The following MBNL2 variants were observed in gnomAD, a reference collection of about 807,000 sequenced individuals.
MBNL2 encodes muscleblind like splicing regulator 2.
Under a neutral mutation model 41.9 loss-of-function variants are expected in MBNL2, and 17 were observed. The observed-to-expected ratio is 0.41, with a 90% CI of 0.28 to 0.61. The LOEUF is 0.61. MBNL2 is among the 20% of genes least tolerant of loss of function. MBNL2 has a pLI of 0.35. For missense variants in MBNL2, 336 were observed against 505.6 expected (o/e 0.66, Z 3.22); for synonymous variants, 195 against 182.9 (o/e 1.07, Z -0.53).
At chr13:97,356,001 G>A (rs2062948394) in intron 5 of MBNL2, among the ~76,000 whole-genome samples, 3 of 152,180 alleles carry the variant, frequency 2.0e-5, no homozygotes, top group Non-Finnish European at 2.9e-5. Flanking sequence ...TTCAAATGTA[G>A]TAGAAAACAG....
intron 2 of MBNL2, among the ~76,000 whole-genome samples, chr13:97,303,980 G>A (rs1160035999): frequency 2.6e-5 from 4 of 152,102 alleles, no homozygotes; most frequent in African/African-American, 9.7e-5. Flanking sequence ...ATAATTTAAG[G>A]CTATAACTGA....
At chr13:97,304,684 T>C (rs1017905688) in intron 2 of MBNL2, among the ~76,000 whole-genome samples, 1 of 152,164 alleles carries the variant, frequency 6.6e-6, no homozygotes, top group African/African-American at 2.4e-5. Flanking sequence ...GCTTAGCTCA[T>C]AGAATTGTTA....
At chr13:97,253,867 ATT>A (rs987630158) in intron 1 of MBNL2, among the ~76,000 whole-genome samples, 1 of 146,916 alleles carries the variant, frequency 6.8e-6, no homozygotes, top group African/African-American at 2.5e-5. Context: ...AATGTGCTGA[ATT>A]TTTTTTTTTA....
At chr13:97,263,247 T>G (rs1594113473) in intron 1 of MBNL2, among the ~76,000 whole-genome samples, 1 of 152,190 alleles carries the variant, frequency 6.6e-6, no homozygotes, top group Non-Finnish European at 1.5e-5. Context: ...GCTGTAACCT[T>G]TAACCAATTT....
chr13:97,248,365 G>A (rs879402738), intron 1 of MBNL2, among the ~76,000 whole-genome samples: 1 of 152,186 alleles, frequency 6.6e-6, no homozygotes, highest in Non-Finnish European at 1.5e-5. Context: ...TTGAACTCTC[G>A]ACCTCAGGTA....
Position 97,268,330 on chromosome 13 carries a change from G to A in MBNL2, c.-604-7302G>A, listed in dbSNP as rs2050251005. On this transcript the variant is annotated intron_variant, in intron 1 of 8. Transcript: ENST00000679496. This position sits in a 1 kb window ranked among gnomAD's most constrained non-coding sequence, Gnocchi z 4.6. ...CTTTCCAGGCTGGTCTGGAACTCCT[G>A]ACTTCAAATGATCCATCTGCCTCGG... is the stretch of plus-strand genomic sequence containing the variant. Among the ~76,000 whole-genome samples, 2 of 152,172 alleles carry A rather than the reference G, an allele frequency of 1.3e-5. No individual in the cohort carries two copies. The highest frequency in any genetic ancestry group is 4.8e-5 in the African/African-American group (2 of 41,432).
chr13:97,156,552 C>T, the MBNL2 span, among the ~76,000 whole-genome samples: 3 of 136,986 alleles, frequency 2.2e-5, no homozygotes, highest in Non-Finnish European at 4.7e-5. Context: ...GTCTTTAATC[C>T]ATCTTGAATT....
At position 97,321,636 on chromosome 13, in the gene MBNL2, A is replaced by G. The variant is rs183911367; in HGVS notation, c.175-12640A>G. On this transcript the variant is annotated intron_variant, in intron 2 of 8. Coordinates refer to ENST00000679496, the MANE Select transcript of MBNL2 (RefSeq NM_001382683.1). ...ACAACATGACCTGGAAATTACCTTA[A>G]ATCTCTCTGAGCCTCATTTCCTTAC... is the stretch of plus-strand genomic sequence containing the variant. Among the ~76,000 whole-genome samples the G allele has an allele frequency of 2.6e-5, 4 of 152,284 alleles. No individual in the cohort carries two copies. In the East Asian group the frequency reaches 5.8e-4, roughly 22 times the overall value.
rs369881506 is a variant in MBNL2, at chr13:97,297,252, G to T, written c.174+20843G>T. Among the ~76,000 whole-genome samples the T allele has an allele frequency of 1.5e-4, 23 of 152,248 alleles. No homozygotes were observed. In the East Asian group the frequency reaches 3.9e-3, roughly 26 times the overall value. ...TGAGGTTCTGTCTTTGACATAGAGG[G>T]TTCAGCAGTGAAGACAACACTACTG... On this transcript the variant is annotated intron_variant, in intron 2 of 8. Transcript: ENST00000679496.
intron 1 of MBNL2, among the ~76,000 whole-genome samples, chr13:97,234,060 C>T (rs977080432): frequency 2.0e-5 from 3 of 152,218 alleles, no homozygotes; most frequent in Admixed American, 2.0e-4. Context: ...TGTCTACCCT[C>T]TTCCCCAGCC....
chr13:97,363,417 ACTG>A (rs1039500754), intron 7 of MBNL2, among the ~76,000 whole-genome samples: 1 of 109,336 alleles, frequency 9.1e-6, no homozygotes, highest in African/African-American at 4.2e-5. Context: ...AGAAAGAAAA[ACTG>A]TGTGTGTGTG....
chr13:97,153,782 A>G, the MBNL2 span, among the ~76,000 whole-genome samples: 1 of 152,330 alleles, frequency 6.6e-6, no homozygotes, highest in Admixed American at 6.5e-5. Flanking sequence ...AGAACAAAGT[A>G]GACAACTACT....
the MBNL2 span, among the ~76,000 whole-genome samples, chr13:97,174,032 C>T: frequency 6.6e-6 from 1 of 152,170 alleles, no homozygotes; most frequent in Non-Finnish European, 1.5e-5. Context: ...GAGCCAGATA[C>T]TGCCCATTTT....
intron 1 of MBNL2, among the ~76,000 whole-genome samples, chr13:97,256,691 G>A (rs891555940): frequency 6.6e-6 from 1 of 152,170 alleles, no homozygotes; most frequent in Non-Finnish European, 1.5e-5. Context: ...TCCATAGACA[G>A]TATGTAGATA....
intron 6 of MBNL2, among the ~76,000 whole-genome samples, chr13:97,357,221 A>AT (rs1277008534): frequency 3.3e-5 from 5 of 151,948 alleles, no homozygotes; most frequent in Admixed American, 6.6e-5. Context: ...AGCTGAAGCC[A>AT]TTTTTTTTGT....
the MBNL2 span, among the ~76,000 whole-genome samples, chr13:97,154,792 A>AT: frequency 1.4e-5 from 2 of 146,166 alleles, no homozygotes; most frequent in East Asian, 2.0e-4. Flanking sequence ...AAATGGTATA[A>AT]GGATGGATGG....
At chr13:97,220,852 G>A (rs547505804), upstream of MBNL2, among the ~76,000 whole-genome samples, 2 of 152,264 alleles carry the variant, frequency 1.3e-5, no homozygotes, top group East Asian at 1.9e-4. Flanking sequence ...AGGGAGATGA[G>A]GAAGAGGAGA....
chr13:97,231,953 A>G (rs992164391), intron 1 of MBNL2, among the ~76,000 whole-genome samples: 10 of 152,228 alleles, frequency 6.6e-5, no homozygotes, highest in Non-Finnish European at 1.3e-4. Flanking sequence ...GAGCTCTGAC[A>G]CATTCATTCC....
At chr13:97,274,924 C>T (rs1566382702) in intron 1 of MBNL2, among the ~76,000 whole-genome samples, 1 of 152,232 alleles carries the variant, frequency 6.6e-6, no homozygotes, top group Non-Finnish European at 1.5e-5. Flanking sequence ...AACTAATTTA[C>T]ATTCCTGCAC....
Sources: gnomAD v4.1 joint callset for allele counts (sites outside exome capture counted in the v4.1 genomes callset) on GRCh38, gnomAD v4.1.1 for gene constraint, Gnocchi (gnomAD v3.1) non-coding constraint, MANE v1.5 for transcripts, NCBI Gene and HGNC (gene_info 2026-07-23, HGNC 2026-07-21) for gene names.